The following UCK2 variants were observed in gnomAD, a reference collection of about 807,000 sequenced individuals.
The protein encoded by UCK2 is cytidine monophosphokinase 2.
A neutral mutation model predicts 30.8 loss-of-function variants in UCK2; 6 were observed. The ratio of observed to expected loss-of-function variants is 0.19; its 90% confidence interval spans 0.11 to 0.38. The LOEUF is 0.38. Among genes scored for constraint, UCK2 ranks in the 10% least tolerant of loss-of-function variants. The probability of loss-of-function intolerance (pLI) is 1.00; values close to 1 mark genes in which losing one functional copy is unlikely to be tolerated. For synonymous variants in UCK2, 125 were observed against 133.6 expected, an observed-to-expected ratio of 0.94 and a Z score of 0.45; for missense variants, 210 against 339.8, an observed-to-expected ratio of 0.62 and a Z score of 3.00.
At chr1:165,834,887 A>G (rs1316959914) in intron 1 of UCK2, among the ~76,000 whole-genome samples, 2 of 152,198 alleles carry the variant, frequency 1.3e-5, no homozygotes, top group African/African-American at 2.4e-5. Flanking sequence ...AGTGTTTGGT[A>G]AGAATTTTGC....
chr1:165,883,413 C>A (rs1655548384), intron 1 of UCK2, among the ~76,000 whole-genome samples: 1 of 152,200 alleles, frequency 6.6e-6, no homozygotes, highest in African/African-American at 2.4e-5. Flanking sequence ...TCAAAAAAGA[C>A]TTCTGATAAA....
At chr1:165,827,965 C>T in intron 1 of UCK2, 33 bp downstream of exon 1, 1 of 1,291,998 alleles carries the variant, frequency 7.7e-7, no homozygotes, top group Non-Finnish European at 9.9e-7. Context: ...GCTCCCTTCC[C>T]GGCTTCTGTC....
chr1:165,869,837 G>A (rs1047329832), intron 1 of UCK2, among the ~76,000 whole-genome samples: 1 of 151,670 alleles, frequency 6.6e-6, no homozygotes, highest in Non-Finnish European at 1.5e-5. Context: ...AAACTTTTTT[G>A]TGGACGTCTT....
intron 1 of UCK2, among the ~76,000 whole-genome samples, chr1:165,878,099 T>C (rs1364042630): frequency 6.6e-6 from 1 of 152,094 alleles, no homozygotes; most frequent in African/African-American, 2.4e-5. Flanking sequence ...TACAGAATAG[T>C]TTCACTTCCC....
chr1:165,902,312 G>A (rs1036644742), intron 4 of UCK2, among the ~76,000 whole-genome samples: 1 of 152,096 alleles, frequency 6.6e-6, no homozygotes, highest in African/African-American at 2.4e-5. Context: ...GGAAGTTGAG[G>A]TGGGAGGATC....
chr1:165,902,477 G>C (rs1647510575), intron 4 of UCK2: 1 of 151,298 alleles, frequency 6.6e-6, no homozygotes, highest in Non-Finnish European at 1.5e-5. Flanking sequence ...GGATAAAACT[G>C]ACCGGGGGAA....
intron 1 of UCK2, among the ~76,000 whole-genome samples, chr1:165,871,720 G>T (rs532702281): frequency 1.2e-4 from 18 of 152,014 alleles, no homozygotes; most frequent in African/African-American, 4.3e-4. Context: ...GAAGATAACA[G>T]AGGGAAGTTA....
chr1:165,831,486 A>G (rs955831004), intron 1 of UCK2, among the ~76,000 whole-genome samples: 1 of 152,192 alleles, frequency 6.6e-6, no homozygotes, highest in Non-Finnish European at 1.5e-5. Context: ...GCCTGCATAC[A>G]TATCTGTGAC....
Position 165,827,616 on chromosome 1 carries a change from A to T in UCK2, c.-218A>T. 2.7e-6 allele frequency: 1 copy of T among 373,176 alleles called. No individual in the cohort carries two copies. Among genetic ancestry groups the T allele is most frequent in the African/African-American group, 2.1e-5 (1 of 47,740 alleles). 23.1% of individuals were successfully genotyped at this position (373,176 alleles called of 1,614,324 possible). ...TCACGCTGACCTCTGCCTGGGATGT[A>T]AACCGGACCAGCCGCTGCGGGCAAA... On this transcript the variant is annotated 5_prime_UTR_variant, in exon 1 of 7. Transcript: ENST00000367879.
At chr1:165,838,181 A>G (rs1456524919) in intron 1 of UCK2, among the ~76,000 whole-genome samples, 1 of 152,192 alleles carries the variant, frequency 6.6e-6, no homozygotes, top group Non-Finnish European at 1.5e-5. Flanking sequence ...ATCATCTGTC[A>G]GTTGCATCAT....
chr1:165,903,019 G>A (rs545638650), intron 4 of UCK2, 163 bp from the exon 5 acceptor site: 7 of 500,946 alleles, frequency 1.4e-5, no homozygotes, highest in South Asian at 7.2e-5. Flanking sequence ...TGTCTTTTCC[G>A]AAGCCGCTGC....
chr1:165,847,167 C>T (rs1654471631), intron 1 of UCK2, among the ~76,000 whole-genome samples: 1 of 152,112 alleles, frequency 6.6e-6, no homozygotes, highest in Non-Finnish European at 1.5e-5. Context: ...CACACTGTCT[C>T]AGTGGTACCA....
chr1:165,831,953 A>AG (rs1654059103), intron 1 of UCK2, among the ~76,000 whole-genome samples: 1 of 151,996 alleles, frequency 6.6e-6, no homozygotes, highest in Non-Finnish European at 1.5e-5. Flanking sequence ...TTTTTAATAG[A>AG]GGTGGGGGTT....
intron 1 of UCK2, among the ~76,000 whole-genome samples, chr1:165,885,706 G>A (rs889269990): frequency 1.3e-5 from 2 of 152,192 alleles, no homozygotes; most frequent in African/African-American, 4.8e-5. Flanking sequence ...GGAGATGGAC[G>A]GCTAGAGTGG....
chr1:165,830,582 C>T lies in UCK2; in HGVS notation c.99+2650C>T, dbSNP rs370077166. On this transcript the variant is annotated intron_variant, in intron 1 of 6. Transcript: ENST00000367879. ...CCTTGTGATCCGCCCGCCTCGGCCT[C>T]CCAAAGTGCTGGGATTACAGGTGTG... Among the ~76,000 whole-genome samples the T allele has an allele frequency of 2.6e-4, 40 of 151,888 alleles. No individual in the cohort carries two copies. In the East Asian group the frequency reaches 6.7e-3, roughly 26 times the overall value.
chr1:165,861,638 AAAAAAAAAAAAC>A (rs1319272314), intron 1 of UCK2, among the ~76,000 whole-genome samples: 16 of 138,270 alleles, frequency 1.2e-4, no homozygotes, highest in African/African-American at 2.7e-4. Flanking sequence ...AAAAAAAAAA[AAAAAAAAAAAAC>A]AAAAAAAAAC....
At chr1:165,852,155 C>G (rs1034609307) in intron 1 of UCK2, among the ~76,000 whole-genome samples, 2 of 152,160 alleles carry the variant, frequency 1.3e-5, no homozygotes, top group Non-Finnish European at 2.9e-5. Context: ...TGAGGAATCA[C>G]CATGCTGTCT....
At chr1:165,860,039 G>A (rs760430565) in intron 1 of UCK2, among the ~76,000 whole-genome samples, 2 of 152,194 alleles carry the variant, frequency 1.3e-5, no homozygotes, top group Non-Finnish European at 2.9e-5. Flanking sequence ...AGCTTTGAAG[G>A]AGGTTCAAGC....
rs61491030 is a variant in UCK2, at chr1:165,850,927, ATTTTTT to A, written c.99+23017_99+23022del. 3.8e-3 allele frequency among the ~76,000 whole-genome samples: 423 copies of A among 109,914 alleles called. 1 individual carries two copies. Among genetic ancestry groups the A allele is most frequent in the Middle Eastern group, 5.4e-3 (1 of 184 alleles). 72.1% of individuals were successfully genotyped at this position (109,914 alleles called of 152,430 possible). A position where few individuals can be genotyped will look rare whatever the true frequency, so the allele number is the denominator to read the frequency against. On this transcript the variant is annotated intron_variant, in intron 1 of 6. Transcript: ENST00000367879. ...GTGAGCCACCACGCCTGGCCTTTAA[ATTTTTT>A]TTTTTTTTTTTTTTTTTTTTTAATA...
Sources: gnomAD v4.1 joint callset for allele counts (sites outside exome capture counted in the v4.1 genomes callset) on GRCh38, gnomAD v4.1.1 for gene constraint, MANE v1.5 for transcripts, NCBI Gene and HGNC (gene_info 2026-07-23, HGNC 2026-07-21) for gene names.